The following DYNLT2B variants were observed in gnomAD, a reference collection of about 807,000 sequenced individuals.
DYNLT2B encodes dynein light chain Tctex-type protein 2B.
In DYNLT2B, 14 loss-of-function variants were observed where a neutral mutation model predicts 19.5. That is an observed-to-expected ratio of 0.72 (90% confidence interval 0.47 to 1.12). DYNLT2B has a LOEUF of 1.12. Among genes scored for constraint, DYNLT2B ranks in the 50% most tolerant of loss-of-function variants. The pLI, the probability that DYNLT2B is intolerant of heterozygous loss-of-function variation, is 0.00. For missense variants in DYNLT2B, 133 were observed against 174.7 expected (o/e 0.76, Z 1.35); for synonymous variants, 70 against 59.7 (o/e 1.17, Z -0.79).
chr3:196,300,367 A>G (rs1288274268), intron 3 of DYNLT2B, among the ~76,000 whole-genome samples: 2 of 152,154 alleles, frequency 1.3e-5, no homozygotes, highest in Non-Finnish European at 2.9e-5. Context: ...CACCTGTTGG[A>G]GGTAGAGGCC....
chr3:196,295,976 A>C (rs1726211265), intron 4 of DYNLT2B, 30 bp downstream of exon 4: 1 of 1,596,578 alleles, frequency 6.3e-7, no homozygotes, highest in African/African-American at 1.3e-5. Flanking sequence ...CGTTCTTAGA[A>C]AGGGAAAAGA....
At chr3:196,296,754 T>A (rs1160697846) in intron 3 of DYNLT2B, among the ~76,000 whole-genome samples, 1 of 152,108 alleles carries the variant, frequency 6.6e-6, no homozygotes, top group African/African-American at 2.4e-5. Flanking sequence ...ATGTAGACCT[T>A]AAAGAAAAGT....
At chr3:196,302,941 G>A (rs1411935476) in intron 3 of DYNLT2B, among the ~76,000 whole-genome samples, 1 of 151,726 alleles carries the variant, frequency 6.6e-6, no homozygotes, top group Non-Finnish European at 1.5e-5. Flanking sequence ...CCTCCTTCTT[G>A]CCGGGGGACT....
intron 2 of DYNLT2B, among the ~76,000 whole-genome samples, chr3:196,308,455 T>C (rs1446453381): frequency 6.6e-6 from 1 of 152,200 alleles, no homozygotes; most frequent in Non-Finnish European, 1.5e-5. Context: ...CATTTAGCTG[T>C]TTACTCCAGA....
chr3:196,297,628 G>A (rs1726256619), intron 3 of DYNLT2B, among the ~76,000 whole-genome samples: 1 of 152,138 alleles, frequency 6.6e-6, no homozygotes, highest in Admixed American at 6.5e-5. Context: ...CACTTATTGA[G>A]CACTTACTTT....
intron 3 of DYNLT2B, 92 bp downstream of exon 3, chr3:196,306,851 T>C (rs1200169040): frequency 6.6e-6 from 8 of 1,206,972 alleles, no homozygotes; most frequent in Non-Finnish European, 9.8e-6. Flanking sequence ...CTTCTCACTC[T>C]TGTAAAGGCA....
intron 3 of DYNLT2B, among the ~76,000 whole-genome samples, chr3:196,300,717 G>A (rs1330477480): frequency 2.0e-5 from 2 of 100,616 alleles, no homozygotes; most frequent in East Asian, 3.9e-4. Context: ...CAACAAGAAT[G>A]AAACTCTGTC....
intron 2 of DYNLT2B, chr3:196,315,426 CTAT>C (rs991339142): frequency 3.3e-6 from 1 of 300,868 alleles, no homozygotes; most frequent in African/African-American, 2.3e-5. Context: ...CCACACCCAG[CTAT>C]TTTTTGTATT....
intron 3 of DYNLT2B, chr3:196,298,129 C>A: frequency 2.9e-6 from 1 of 349,638 alleles, no homozygotes; most frequent in South Asian, 2.6e-5. Context: ...TACCAGTTTT[C>A]AACCAGATCC....
At chr3:196,305,004 T>C (rs751087597) in intron 3 of DYNLT2B, among the ~76,000 whole-genome samples, 1 of 152,104 alleles carries the variant, frequency 6.6e-6, no homozygotes, top group Non-Finnish European at 1.5e-5. Flanking sequence ...CACCTCAGTC[T>C]CTCAAGTAGC....
At chr3:196,311,636 A>G (rs1726645764) in intron 2 of DYNLT2B, among the ~76,000 whole-genome samples, 1 of 151,904 alleles carries the variant, frequency 6.6e-6, no homozygotes, top group Non-Finnish European at 1.5e-5. Flanking sequence ...AAAGCTACTG[A>G]GCATAAAGGT....
At chr3:196,304,771 A>G (rs896156128) in intron 3 of DYNLT2B, among the ~76,000 whole-genome samples, 10 of 152,202 alleles carry the variant, frequency 6.6e-5, no homozygotes, top group Non-Finnish European at 1.5e-4. Context: ...CAAAGAAAGT[A>G]ATAGTGGCTA....
At chr3:196,304,738 G>C (rs1225102350) in intron 3 of DYNLT2B, among the ~76,000 whole-genome samples, 1 of 151,992 alleles carries the variant, frequency 6.6e-6, no homozygotes, top group Non-Finnish European at 1.5e-5. Flanking sequence ...AAGAGACTCT[G>C]AGTGCTCTAA....
chr3:196,302,143 GAAATAGAA>G (rs1726372689), intron 3 of DYNLT2B, among the ~76,000 whole-genome samples: 1 of 152,042 alleles, frequency 6.6e-6, no homozygotes, highest in Admixed American at 6.6e-5. Context: ...GCACAGAGAG[GAAATAGAA>G]AAATCAGAAA....
intron 3 of DYNLT2B, among the ~76,000 whole-genome samples, chr3:196,303,752 G>A (rs1034853858): frequency 6.6e-6 from 1 of 152,156 alleles, no homozygotes; most frequent in African/African-American, 2.4e-5. Context: ...GAATCCTAAA[G>A]CAGAAAAAGG....
chr3:196,302,361 G>C (rs73086666), intron 3 of DYNLT2B, among the ~76,000 whole-genome samples: 1 of 152,248 alleles, frequency 6.6e-6, no homozygotes, highest in South Asian at 2.1e-4. Context: ...GAATTGTAGG[G>C]CTGGGGTAGG....
At chr3:196,304,630 G>C (rs1412810781) in intron 3 of DYNLT2B, among the ~76,000 whole-genome samples, 2 of 151,614 alleles carry the variant, frequency 1.3e-5, no homozygotes, top group African/African-American at 4.8e-5. Context: ...GGCAGAGCTT[G>C]CAGTGAGCCA....
chr3:196,309,362 T>C (rs1283749690), intron 2 of DYNLT2B, among the ~76,000 whole-genome samples: 1 of 151,988 alleles, frequency 6.6e-6, no homozygotes, highest in Non-Finnish European at 1.5e-5. Flanking sequence ...GCCTCCTGGG[T>C]TCAAGCAATC....
At chr3:196,312,947 G>T (rs1189355357) in intron 2 of DYNLT2B, among the ~76,000 whole-genome samples, 1 of 152,056 alleles carries the variant, frequency 6.6e-6, no homozygotes, top group Admixed American at 6.6e-5. Context: ...AGCCCGGGAG[G>T]TTGAGGCTGC....
Sources: allele counts gnomAD v4.1 joint callset (sites outside exome capture counted in the v4.1 genomes callset), GRCh38; gene constraint gnomAD v4.1.1; transcripts MANE v1.5; gene names NCBI Gene and HGNC (gene_info 2026-07-23, HGNC 2026-07-21).